Variants in JAM3 observed in about 807,000 individuals in gnomAD.
JAM3 encodes junctional adhesion molecule 3, also known as junctional adhesion molecule C.
Under a neutral mutation model 39.4 loss-of-function variants are expected in JAM3, and 31 were observed. The ratio of observed to expected loss-of-function variants is 0.79; its 90% confidence interval spans 0.59 to 1.06. The LOEUF (loss-of-function observed/expected upper bound fraction) is 1.06. JAM3 is among the 50% of genes least tolerant of loss of function. The pLI, the probability that JAM3 is intolerant of heterozygous loss-of-function variation, is 0.00. For synonymous variants in JAM3, 182 were observed against 148.7 expected (o/e 1.22, Z -1.63); for missense variants, 455 against 391.4 (o/e 1.16, Z -1.37).
chr11:134,135,578 C>A (rs1051068827), intron 1 of JAM3, among the ~76,000 whole-genome samples: 3 of 150,642 alleles, frequency 2.0e-5, no homozygotes, highest in Admixed American at 6.6e-5. Context: ...CACTCTGTCG[C>A]CCAAGCTGGA....
intron 1 of JAM3, among the ~76,000 whole-genome samples, chr11:134,118,598 T>A (rs982357676): frequency 4.6e-5 from 7 of 152,142 alleles, no homozygotes; most frequent in African/African-American, 1.7e-4. Context: ...ACCCCAACCT[T>A]GTCTGCTCTG....
chr11:134,124,582 C>CA (rs978376830), intron 1 of JAM3, among the ~76,000 whole-genome samples: 4 of 152,028 alleles, frequency 2.6e-5, no homozygotes, highest in Non-Finnish European at 4.4e-5. Flanking sequence ...CTTCGGACTC[C>CA]AAAAAAATCC....
At chr11:134,073,103 G>A (rs1412464951) in intron 1 of JAM3, among the ~76,000 whole-genome samples, 1 of 152,206 alleles carries the variant, frequency 6.6e-6, no homozygotes, top group East Asian at 1.9e-4. Context: ...AGCAAGGACA[G>A]TATCCACTGT....
At chr11:134,125,517 G>A (rs772610394) in intron 1 of JAM3, among the ~76,000 whole-genome samples, 32 of 152,306 alleles carry the variant, frequency 2.1e-4, no homozygotes, top group Non-Finnish European at 4.4e-4. Flanking sequence ...AATAAAGCAA[G>A]AAGTAGGGAG....
chr11:134,090,421 G>T (rs1053891954), intron 1 of JAM3, among the ~76,000 whole-genome samples: 1 of 152,048 alleles, frequency 6.6e-6, no homozygotes, highest in African/African-American at 2.4e-5. Flanking sequence ...TTTTCTTCTA[G>T]GGTTTTTTTC....
At chr11:134,144,669 A>G in intron 4 of JAM3, 123 bp from the exon 5 acceptor site, 1 of 934,668 alleles carries the variant, frequency 1.1e-6, no homozygotes, top group Non-Finnish European at 1.7e-6. Context: ...TGATCCTGGG[A>G]ACAGCAGTGG....
Position 134,145,006 on chromosome 11 carries a change from T to C in JAM3, c.612+12T>C. ...AAACAGGCACTTTGGTAAGATCTCT[T>C]CTAAGAGGTGAGGATGGAGATGTCT... is the stretch of plus-strand genomic sequence containing the variant. On this transcript the variant is annotated intron_variant, in intron 5 of 8. Coordinates refer to ENST00000299106, the MANE Select transcript of JAM3 (RefSeq NM_032801.5). 6.3e-7 allele frequency: 1 copy of C among 1,595,582 alleles called. No individual in the cohort carries two copies. Among genetic ancestry groups the C allele is most frequent in the Non-Finnish European group, 8.6e-7 (1 of 1,163,016 alleles).
At chr11:134,106,494 G>A (rs899302627) in intron 1 of JAM3, among the ~76,000 whole-genome samples, 9 of 152,186 alleles carry the variant, frequency 5.9e-5, no homozygotes, top group African/African-American at 1.2e-4. Flanking sequence ...AAATTTGACA[G>A]ATGGGATCTA....
At chr11:134,116,551 G>A (rs773723833) in intron 1 of JAM3, among the ~76,000 whole-genome samples, 2 of 152,024 alleles carry the variant, frequency 1.3e-5, no homozygotes, top group South Asian at 2.1e-4. Context: ...ATTTTTTGTC[G>A]TTGTTTGTTT....
At chr11:134,128,629 CGT>C (rs1942701486) in intron 1 of JAM3, among the ~76,000 whole-genome samples, 1 of 152,062 alleles carries the variant, frequency 6.6e-6, no homozygotes, top group African/African-American at 2.4e-5. Flanking sequence ...TTCGCTCACT[CGT>C]GTGCATGTGT....
chr11:134,143,293 C>T (rs976705419), intron 3 of JAM3, among the ~76,000 whole-genome samples: 5 of 152,176 alleles, frequency 3.3e-5, no homozygotes, highest in African/African-American at 9.6e-5. Context: ...GGGTTGGAAG[C>T]GGCGTCTTGT....
intron 1 of JAM3, among the ~76,000 whole-genome samples, chr11:134,118,160 T>A (rs1942471733): frequency 6.6e-6 from 1 of 152,220 alleles, no homozygotes; most frequent in South Asian, 2.1e-4. Context: ...GAATATGCCT[T>A]GACACATGTT....
chr11:134,121,726 G>A (rs1942535857), intron 1 of JAM3, among the ~76,000 whole-genome samples: 1 of 152,044 alleles, frequency 6.6e-6, no homozygotes, highest in African/African-American at 2.4e-5. Flanking sequence ...GTTTCATGTT[G>A]CTTTATACAT....
chr11:134,093,841 A>G (rs1941924166), intron 1 of JAM3, among the ~76,000 whole-genome samples: 1 of 98,072 alleles, frequency 1.0e-5, no homozygotes, highest in Admixed American at 9.2e-5. Context: ...ATCATGTTCC[A>G]TCTTACATGT....
chr11:134,149,182 G>C lies in JAM3; in HGVS notation c.*1G>C. 6.2e-7 allele frequency: 1 copy of C among 1,614,010 alleles called. No individual in the cohort carries two copies. The highest frequency in any genetic ancestry group is 8.5e-7 in the Non-Finnish European group (1 of 1,179,870). ...ACACAAGTCATCGTTTGTGATCTGA[G>C]ACCCGCGGTGTGGCTGAGAGCGCAC... On this transcript the variant is annotated 3_prime_UTR_variant, in exon 9 of 9. Coordinates refer to ENST00000299106, the MANE Select transcript of JAM3 (RefSeq NM_032801.5).
intron 1 of JAM3, among the ~76,000 whole-genome samples, chr11:134,095,097 C>T (rs1045287450): frequency 6.6e-6 from 1 of 152,162 alleles, no homozygotes; most frequent in African/African-American, 2.4e-5. Context: ...AGTAATGAAT[C>T]TTAGAAAACT....
intron 1 of JAM3, among the ~76,000 whole-genome samples, chr11:134,128,159 T>C (rs922045033): frequency 2.8e-4 from 42 of 152,342 alleles, no homozygotes; most frequent in African/African-American, 9.9e-4. Context: ...ATTGTTATTA[T>C]CACTTGAGAA....
intron 1 of JAM3, among the ~76,000 whole-genome samples, chr11:134,103,545 C>G (rs1008332139): frequency 8.5e-5 from 13 of 152,152 alleles, no homozygotes; most frequent in Non-Finnish European, 1.6e-4. Context: ...GCTAAATGCT[C>G]CAATTAAAAG....
intron 1 of JAM3, among the ~76,000 whole-genome samples, chr11:134,090,843 T>A (rs1228706819): frequency 1.3e-5 from 2 of 152,224 alleles, no homozygotes; most frequent in East Asian, 1.9e-4. Context: ...ACTTGTTATG[T>A]AATAAGATTC....
Sources: allele counts gnomAD v4.1 joint callset (sites outside exome capture counted in the v4.1 genomes callset), GRCh38; gene constraint gnomAD v4.1.1; transcripts MANE v1.5; gene names NCBI Gene and HGNC (gene_info 2026-07-23, HGNC 2026-07-21).